KIAA1217: variants seen among roughly 807,000 people sequenced by gnomAD.
KIAA1217 encodes the protein KIAA1217.
In KIAA1217, 88 loss-of-function variants were observed where a neutral mutation model predicts 163.9. That is an observed-to-expected ratio of 0.54 (90% CI 0.45 to 0.64). The LOEUF (loss-of-function observed/expected upper bound fraction) is 0.64. KIAA1217 is among the 30% of genes least tolerant of loss of function. The probability of loss-of-function intolerance (pLI) is 0.00; values close to 1 mark genes in which losing one functional copy is unlikely to be tolerated. For missense variants in KIAA1217, 2,372 were observed against 2,475.0 expected, an observed-to-expected ratio of 0.96 and a Z score of 0.88; for synonymous variants, 903 against 923.1, an observed-to-expected ratio of 0.98 and a Z score of 0.39.
intron 2 of KIAA1217, among the ~76,000 whole-genome samples, chr10:24,170,159 T>G (rs994613528): frequency 6.6e-6 from 1 of 152,216 alleles, no homozygotes; most frequent in African/African-American, 2.4e-5. Flanking sequence ...CAATGCTAGT[T>G]TCTGTCCTAA....
chr10:23,921,797 C>A (rs924835179), intron 1 of KIAA1217, among the ~76,000 whole-genome samples: 3 of 152,162 alleles, frequency 2.0e-5, no homozygotes, highest in Admixed American at 1.3e-4. Context: ...GCATTATTAG[C>A]AAAACAGTGC....
In KIAA1217 at chr10:24,542,682, T is replaced by C; in HGVS notation, c.3535-11T>C. The C allele has an allele frequency of 6.2e-7, 1 of 1,612,914 alleles. No individual in the cohort carries two copies. On this transcript the variant is annotated splice_polypyrimidine_tract_variant and intron_variant, in intron 17 of 20. Transcript: ENST00000376454. Reference sequence around the variant, plus strand: ...TTTTGTGGAGTAACATGTCCTACACTATTCTACCAGAATTTGGAATTTTTC... The same window carrying C: ...TTTTGTGGAGTAACATGTCCTACACCATTCTACCAGAATTTGGAATTTTTC...
At chr10:24,258,634 C>G (rs2075409791) in intron 2 of KIAA1217, among the ~76,000 whole-genome samples, 2 of 151,600 alleles carry the variant, frequency 1.3e-5, no homozygotes, top group South Asian at 4.2e-4. Flanking sequence ...GCTCTGTCAC[C>G]CAGGCTGGAG....
At chr10:24,153,642 T>G (rs2064729691) in intron 2 of KIAA1217, among the ~76,000 whole-genome samples, 1 of 152,194 alleles carries the variant, frequency 6.6e-6, no homozygotes, top group Non-Finnish European at 1.5e-5. Flanking sequence ...TTCTCAAACT[T>G]TTGTTATCTC....
At chr10:23,757,651 G>A (rs938994777) in intron 1 of KIAA1217, among the ~76,000 whole-genome samples, 8 of 152,114 alleles carry the variant, frequency 5.3e-5, no homozygotes, top group Non-Finnish European at 8.8e-5. Flanking sequence ...CTGAGTAGCA[G>A]GGATTACAGG....
chr10:24,373,598 A>G (rs1040332936), intron 2 of KIAA1217, among the ~76,000 whole-genome samples: 2 of 152,194 alleles, frequency 1.3e-5, no homozygotes, highest in Admixed American at 6.5e-5. Flanking sequence ...TAAATTAACA[A>G]TACCTCAGAA....
intron 1 of KIAA1217, among the ~76,000 whole-genome samples, chr10:23,840,280 C>T (rs897754080): frequency 2.6e-5 from 4 of 151,972 alleles, no homozygotes; most frequent in African/African-American, 9.7e-5. Flanking sequence ...CTCAGCCTCC[C>T]GAGTAGTTGG....
At chr10:24,361,165 A>G (rs1000007763) in intron 2 of KIAA1217, among the ~76,000 whole-genome samples, 1 of 129,402 alleles carries the variant, frequency 7.7e-6, no homozygotes, top group Non-Finnish European at 1.8e-5. Flanking sequence ...CCACAAGCAC[A>G]TGCCATTTTT....
intron 1 of KIAA1217, among the ~76,000 whole-genome samples, chr10:23,799,257 T>C (rs1440414726): frequency 6.6e-6 from 1 of 152,182 alleles, no homozygotes; most frequent in African/African-American, 2.4e-5. Flanking sequence ...TCTGAGGTCC[T>C]GGGGGTTAGG....
intron 1 of KIAA1217, among the ~76,000 whole-genome samples, chr10:23,839,353 CT>C (rs1034293561): frequency 6.6e-6 from 1 of 152,028 alleles, no homozygotes; most frequent in African/African-American, 2.4e-5. Context: ...TGACATTTCT[CT>C]TTTTTGGGTG....
In KIAA1217 at chr10:24,088,060, C is replaced by A. The variant is rs2061767018; in HGVS notation, c.-171+80686C>A. Among the ~76,000 whole-genome samples, 2 of 123,580 alleles carry A rather than the reference C, an allele frequency of 1.6e-5. 1 individual carries two copies. The allele number at this position is 123,580 out of a possible 152,430, so 81.1% of individuals were successfully genotyped here. ...GGCTTACTGGGCCATTCCCATTCCACATCTCACAGTGGTCCTACAACTATA... is the reference window on the plus strand; with the variant it reads ...GGCTTACTGGGCCATTCCCATTCCAAATCTCACAGTGGTCCTACAACTATA... On this transcript the variant is annotated intron_variant, in intron 2 of 18. Transcript: ENST00000376462.
At chr10:23,934,727 C>T (rs1005167522) in intron 1 of KIAA1217, among the ~76,000 whole-genome samples, 1 of 149,132 alleles carries the variant, frequency 6.7e-6, no homozygotes, top group Admixed American at 6.7e-5. Context: ...ACGCCATTCT[C>T]CTGCCTCAGC....
At chr10:24,358,008 CA>C (rs745753730) in intron 2 of KIAA1217, among the ~76,000 whole-genome samples, 77 of 152,230 alleles carry the variant, frequency 5.1e-4, no homozygotes, top group Non-Finnish European at 3.5e-4. Context: ...AGTTTACTGT[CA>C]GGGGGTAAGC....
At chr10:23,824,177 G>A (rs968798401) in intron 1 of KIAA1217, among the ~76,000 whole-genome samples, 1 of 152,114 alleles carries the variant, frequency 6.6e-6, no homozygotes, top group Non-Finnish European at 1.5e-5. Flanking sequence ...GGAGGCTGAA[G>A]TGGGAGGATC....
chr10:24,060,448 T>A (rs557313215), intron 2 of KIAA1217, among the ~76,000 whole-genome samples: 1 of 152,322 alleles, frequency 6.6e-6, no homozygotes, highest in Non-Finnish European at 1.5e-5. Flanking sequence ...TTTCTTCTGC[T>A]ATGGATTTCT....
chr10:23,873,410 T>C (rs1348320297), intron 1 of KIAA1217, among the ~76,000 whole-genome samples: 1 of 152,076 alleles, frequency 6.6e-6, no homozygotes, highest in Non-Finnish European at 1.5e-5. Context: ...TTATGTGGAC[T>C]ACCTCTTCCA....
intron 1 of KIAA1217, among the ~76,000 whole-genome samples, chr10:23,890,032 T>C (rs962802662): frequency 2.0e-5 from 3 of 151,778 alleles, no homozygotes; most frequent in African/African-American, 4.8e-5. Context: ...ATAAGATTGA[T>C]ATTAATTTTT....
At chr10:24,345,232 G>A (rs973763909) in intron 2 of KIAA1217, among the ~76,000 whole-genome samples, 5 of 152,150 alleles carry the variant, frequency 3.3e-5, no homozygotes, top group African/African-American at 9.7e-5. Flanking sequence ...TAGAAGCCAC[G>A]GCAGATCATG....
intron 1 of KIAA1217, among the ~76,000 whole-genome samples, chr10:23,777,751 C>T (rs150084112): frequency 1.8e-4 from 28 of 151,932 alleles, no homozygotes; most frequent in African/African-American, 6.5e-4. Flanking sequence ...CACAAGGAGT[C>T]ATATGTAGGC....
Sources: gnomAD v4.1 joint callset for allele counts (sites outside exome capture counted in the v4.1 genomes callset) on GRCh38, gnomAD v4.1.1 for gene constraint, MANE v1.5 for transcripts, NCBI Gene and HGNC (gene_info 2026-07-23, HGNC 2026-07-21) for gene names.